SMARCB1: variants seen among roughly 807,000 people sequenced by gnomAD.
SMARCB1 encodes SWI/SNF-related matrix-associated actin-dependent regulator of chromatin subfamily B member 1.
Under a neutral mutation model 49.0 loss-of-function variants are expected in SMARCB1, and 5 were observed. The ratio of observed to expected loss-of-function variants is 0.10; its 90% confidence interval spans 0.05 to 0.21. SMARCB1 has a LOEUF of 0.21. SMARCB1 is among the 10% of genes least tolerant of loss of function. The probability of loss-of-function intolerance (pLI) is 1.00; values close to 1 mark genes in which losing one functional copy is unlikely to be tolerated. For synonymous variants in SMARCB1, 201 were observed against 200.1 expected (o/e 1.00, Z -0.04); for missense variants, 226 against 509.2 (o/e 0.44, Z 5.35).
intron 7 of SMARCB1, among the ~76,000 whole-genome samples, chr22:23,827,264 C>T (rs534054553): frequency 6.6e-6 from 1 of 152,358 alleles, no homozygotes; most frequent in East Asian, 1.9e-4. Flanking sequence ...CTGCCAGTGC[C>T]CACAGTCCAG....
chr22:23,837,327 TA>T lies in SMARCB1; in HGVS notation c.*3151del. 2 of 849,884 alleles carry T rather than the reference TA, an allele frequency of 2.4e-6. No homozygotes were observed. The highest frequency in any genetic ancestry group is 3.7e-6 in the Non-Finnish European group (2 of 544,004). The allele number at this position is 849,884 out of a possible 1,614,324, so 52.6% of individuals were successfully genotyped here. A position where few individuals can be genotyped will look rare whatever the true frequency, so the allele number is the denominator to read the frequency against. On this transcript the variant is annotated 3_prime_UTR_variant, in exon 9 of 9. Coordinates refer to ENST00000644036, the MANE Select transcript of SMARCB1 (RefSeq NM_003073.5). ...CCGGGTTGGCCGTGAAGGACAAGCT[TA>T]AAAGGCCCAGAAGCAGGCAGGACCC...
At chr22:23,790,066 C>G (rs1234602292) in intron 1 of SMARCB1, among the ~76,000 whole-genome samples, 2 of 152,136 alleles carry the variant, frequency 1.3e-5, no homozygotes, top group Non-Finnish European at 2.9e-5. Context: ...ATTCAGGAAA[C>G]CTGGGTCCCA....
Position 23,834,882 on chromosome 22 carries a change from G to A in SMARCB1, c.*702G>A. ...CCCTGGGCCGCCCTGGCTCTGCTGT[G>A]TCCAGATGGTCAGGCTACTGCCAGC... On this transcript the variant is annotated 3_prime_UTR_variant, in exon 9 of 9. Coordinates refer to ENST00000644036, the MANE Select transcript of SMARCB1 (RefSeq NM_003073.5). The A allele has an allele frequency of 6.2e-7, 1 of 1,612,444 alleles. No individual in the cohort carries two copies. Among genetic ancestry groups the A allele is most frequent in the Non-Finnish European group, 8.5e-7 (1 of 1,179,782 alleles).
At chr22:23,795,998 G>C (rs1040437560) in intron 3 of SMARCB1, among the ~76,000 whole-genome samples, 2 of 151,956 alleles carry the variant, frequency 1.3e-5, no homozygotes, top group Non-Finnish European at 2.9e-5. Context: ...TCACCATTGT[G>C]CCCAGGCTGG....
rs1305312688 is a variant in SMARCB1, at chr22:23,837,299, G to A, written c.*3119G>A. The A allele has an allele frequency of 1.8e-6, 2 of 1,096,862 alleles. No homozygotes were observed. The highest frequency in any genetic ancestry group is 2.6e-6 in the Non-Finnish European group (2 of 760,676). The allele number at this position is 1,096,862 out of a possible 1,614,324, so 67.9% of individuals were successfully genotyped here. A position where few individuals can be genotyped will look rare whatever the true frequency, so the allele number is the denominator to read the frequency against. On this transcript the variant is annotated 3_prime_UTR_variant, in exon 9 of 9. Coordinates refer to ENST00000644036, the MANE Select transcript of SMARCB1 (RefSeq NM_003073.5). The stretch of plus-strand genomic sequence containing the variant: ...CCCCAAAGCCTTGCACAGAGTGCCA[G>A]CCCCGGGTTGGCCGTGAAGGACAAG...
chr22:23,823,695 ACT>A (rs1184053352), intron 6 of SMARCB1: 2 of 151,636 alleles, frequency 1.3e-5, no homozygotes, highest in Non-Finnish European at 2.9e-5. Flanking sequence ...TACTCAGGAG[ACT>A]CTCGGGGGAG....
intron 6 of SMARCB1, among the ~76,000 whole-genome samples, chr22:23,820,611 C>A (rs2030034399): frequency 6.6e-6 from 1 of 151,944 alleles, no homozygotes; most frequent in African/African-American, 2.4e-5. Context: ...ACCAATGAAG[C>A]CATCAGGTCT....
intron 5 of SMARCB1, chr22:23,803,873 T>C (rs1291728678): frequency 1.9e-5 from 5 of 266,004 alleles, no homozygotes; most frequent in Non-Finnish European, 3.7e-5. Flanking sequence ...CTGGGTCAGA[T>C]GCCATCTCTT....
intron 6 of SMARCB1, among the ~76,000 whole-genome samples, chr22:23,819,127 C>A (rs1215665862): frequency 3.9e-5 from 6 of 152,152 alleles, no homozygotes; most frequent in African/African-American, 1.4e-4. Flanking sequence ...GCTGGGATTA[C>A]AGGCGTGAGC....
At chr22:23,809,152 G>T (rs950578177) in intron 5 of SMARCB1, among the ~76,000 whole-genome samples, 2 of 150,220 alleles carry the variant, frequency 1.3e-5, no homozygotes, top group African/African-American at 2.5e-5. Context: ...TAGATTTCTC[G>T]TGAGAAACTG....
At chr22:23,802,874 CTG>C (rs1450610827) in intron 4 of SMARCB1, 1 of 338,644 alleles carries the variant, frequency 3.0e-6, no homozygotes, top group East Asian at 7.7e-5. Flanking sequence ...CTCACGGAAT[CTG>C]TGCTCTGTGG....
Position 23,834,693 on chromosome 22 carries a change from C to T in SMARCB1, c.*513C>T. 1 of 1,268,196 alleles carries T rather than the reference C, an allele frequency of 7.9e-7. No individual in the cohort carries two copies. The highest frequency in any genetic ancestry group is 2.5e-5 in the Admixed American group (1 of 39,876). 78.6% of individuals were successfully genotyped at this position (1,268,196 alleles called of 1,614,324 possible). Reference sequence around the variant, plus strand: ...GGGTGAATGGGGCTCCGGGTAGCACCTCAGCTCCTCTCAGCTCCCCTCAGC... The same window carrying T: ...GGGTGAATGGGGCTCCGGGTAGCACTTCAGCTCCTCTCAGCTCCCCTCAGC... On this transcript the variant is annotated 3_prime_UTR_variant, in exon 9 of 9. Coordinates refer to ENST00000644036, the MANE Select transcript of SMARCB1 (RefSeq NM_003073.5).
intron 1 of SMARCB1, among the ~76,000 whole-genome samples, chr22:23,789,603 C>T (rs555329985): frequency 6.2e-4 from 95 of 152,202 alleles, no homozygotes; most frequent in Non-Finnish European, 1.2e-3. Flanking sequence ...ATTTTAGTTT[C>T]TAGAAAGCTA....
intron 5 of SMARCB1, 49 bp downstream of exon 5, chr22:23,803,471 T>A (rs1372204016): frequency 2.5e-6 from 4 of 1,608,974 alleles, no homozygotes; most frequent in Non-Finnish European, 3.4e-6. Flanking sequence ...CCCTGTGTGT[T>A]ACGTGGGAAC....
rs5760022 is a variant in SMARCB1 at position 23,792,207 on chromosome 22, T to C, written c.232+313T>C. 0.91 allele frequency: 351,419 copies of C among 387,304 alleles called. 160,030 individuals are homozygous for C. Among genetic ancestry groups the C allele is most frequent in the African/African-American group, 0.93 (44,984 of 48,126 alleles). 24.0% of individuals were successfully genotyped at this position (387,304 alleles called of 1,614,324 possible). Reference sequence around the variant, plus strand: ...GAATGCTGCGATGCTCTGCCATCTGTCGTGGGTGTGTCGCCATAATCATCT... The same window carrying C: ...GAATGCTGCGATGCTCTGCCATCTGCCGTGGGTGTGTCGCCATAATCATCT... On this transcript the variant is annotated intron_variant, in intron 2 of 8. Coordinates refer to ENST00000644036, the MANE Select transcript of SMARCB1 (RefSeq NM_003073.5).
At chr22:23,822,317 C>T (rs938325106) in intron 6 of SMARCB1, among the ~76,000 whole-genome samples, 4 of 152,158 alleles carry the variant, frequency 2.6e-5, no homozygotes, top group African/African-American at 9.7e-5. Flanking sequence ...GTCCAGGCCC[C>T]GTCCAGAGAG....
chr22:23,824,936 C>T, intron 6 of SMARCB1: 1 of 526,746 alleles, frequency 1.9e-6, no homozygotes, highest in Non-Finnish European at 3.5e-6. Context: ...GCACAGGGCA[C>T]AGGGGAGATG....
chr22:23,805,760 C>G (rs771593292), intron 5 of SMARCB1, among the ~76,000 whole-genome samples: 3 of 152,246 alleles, frequency 2.0e-5, no homozygotes, highest in Non-Finnish European at 2.9e-5. Context: ...CCGCCTTGGC[C>G]TCCCAAAGTG....
At chr22:23,804,007 C>T (rs1259698626) in intron 5 of SMARCB1, 1 of 157,542 alleles carries the variant, frequency 6.3e-6, no homozygotes, top group Non-Finnish European at 1.4e-5. Context: ...GAGGGTGGAT[C>T]ATGCATGCAT....
Sources: allele counts gnomAD v4.1 joint callset (sites outside exome capture counted in the v4.1 genomes callset), GRCh38; gene constraint gnomAD v4.1.1; transcripts MANE v1.5; gene names NCBI Gene and HGNC (gene_info 2026-07-23, HGNC 2026-07-21).